The following CTNND2 variants were observed in gnomAD, a reference collection of about 807,000 sequenced individuals.
CTNND2 encodes the protein catenin delta 2.
CTNND2 carries 22 observed loss-of-function variants against 144.4 expected under a neutral mutation model. The ratio of observed to expected loss-of-function variants is 0.15; its 90% confidence interval spans 0.11 to 0.22. The LOEUF is 0.22. Among genes scored for constraint, CTNND2 ranks in the 10% least tolerant of loss-of-function variants. The pLI is 1.00. For synonymous variants in CTNND2, 751 were observed against 695.6 expected, an observed-to-expected ratio of 1.08 and a Z score of -1.25; for missense variants, 1,353 against 1,618.8, an observed-to-expected ratio of 0.84 and a Z score of 2.82.
chr5:11,397,694 A>G (rs1270028252), intron 5 of CTNND2, among the ~76,000 whole-genome samples: 2 of 152,196 alleles, frequency 1.3e-5, no homozygotes. Context: ...CCTGAAGGGT[A>G]GACAGTGTTT....
At chr5:11,092,307 T>C (rs1580261939) in intron 15 of CTNND2, among the ~76,000 whole-genome samples, 1 of 152,340 alleles carries the variant, frequency 6.6e-6, no homozygotes, top group Admixed American at 6.5e-5. Context: ...ATCCCTCTGG[T>C]TCAGCTGTTT....
At chr5:11,266,783 C>T (rs1332862974) in intron 9 of CTNND2, among the ~76,000 whole-genome samples, 1 of 152,234 alleles carries the variant, frequency 6.6e-6, no homozygotes, top group Non-Finnish European at 1.5e-5. Context: ...AATAAAGAAG[C>T]TGCCATTATG....
intron 2 of CTNND2, among the ~76,000 whole-genome samples, chr5:11,641,686 ACG>A (rs1230767808): frequency 7.9e-6 from 1 of 127,010 alleles, no homozygotes; most frequent in East Asian, 2.6e-4. Flanking sequence ...ATATACATAT[ACG>A]TGTGTGTATA....
intron 16 of CTNND2, among the ~76,000 whole-genome samples, chr5:11,072,083 G>A (rs994083920): frequency 9.9e-5 from 15 of 152,182 alleles, no homozygotes; most frequent in African/African-American, 3.6e-4. Flanking sequence ...GGAGGTAATA[G>A]TCAATTAAAA....
At chr5:11,129,080 AAT>A (rs368649124) in intron 12 of CTNND2, among the ~76,000 whole-genome samples, 2,722 of 23,490 alleles carry the variant, frequency 0.12, 396 homozygotes, top group Non-Finnish European at 0.19. Flanking sequence ...ATATAAATAA[AAT>A]ATATATATTA....
intron 9 of CTNND2, among the ~76,000 whole-genome samples, chr5:11,324,079 G>A (rs1435993978): frequency 6.6e-6 from 1 of 152,184 alleles, no homozygotes; most frequent in African/African-American, 2.4e-5. Context: ...GTGGAACAGT[G>A]TGAGGTTGAT....
rs913276691 is a variant in CTNND2, at chr5:11,384,247, T to G, written c.1177+418A>C. On this transcript the variant is annotated intron_variant, in intron 7 of 21. Transcript: ENST00000304623. This position sits in a 1 kb window ranked among gnomAD's most constrained non-coding sequence, Gnocchi z 5.2. ...CGTCTAATTTGAGAAAATCCCTTAC[T>G]TTTTCCACAATGAAATGTAGACAAC... is the stretch of plus-strand genomic sequence containing the variant. Among the ~76,000 whole-genome samples the G allele has an allele frequency of 2.6e-5, 4 of 152,224 alleles. No individual in the cohort carries two copies. The highest frequency in any genetic ancestry group is 9.6e-5 in the African/African-American group (4 of 41,460).
chr5:11,886,384 A>G (rs549974303), intron 1 of CTNND2, among the ~76,000 whole-genome samples: 1 of 152,312 alleles, frequency 6.6e-6, no homozygotes, highest in South Asian at 2.1e-4. Flanking sequence ...CCACAGAAAT[A>G]CAAAGGGTCA....
chr5:11,824,963 T>C (rs1222379730), intron 1 of CTNND2, among the ~76,000 whole-genome samples: 1 of 152,148 alleles, frequency 6.6e-6, no homozygotes, highest in Non-Finnish European at 1.5e-5. Flanking sequence ...CTGAGGATAA[T>C]ACTAGCTACC....
chr5:11,411,590 T>G lies in CTNND2; in HGVS notation c.385A>C (p.Arg129=), dbSNP rs1761535347. 1.9e-6 allele frequency: 3 copies of G among 1,612,306 alleles called. No individual in the cohort carries two copies. The highest frequency in any genetic ancestry group is 8.5e-7 in the Non-Finnish European group (1 of 1,178,542). Residue 129 remains arginine (R), a synonymous_variant, in exon 5 of 22, where the codon AGG becomes CGG. Coordinates refer to ENST00000304623, the MANE Select transcript of CTNND2 (RefSeq NM_001332.4). ...AGTATTCCTGATTCCTGTAGTGACC[T>G]AATACAGGAGTCCACCAGCTCGAGA... ...TGLELVDSCI[R]SLQESGILDP...
chr5:11,609,997 A>G (rs1780236861), intron 2 of CTNND2, among the ~76,000 whole-genome samples: 1 of 152,242 alleles, frequency 6.6e-6, no homozygotes, highest in Non-Finnish European at 1.5e-5. Context: ...TTTATTTGAC[A>G]GCAATTCGGT....
intron 1 of CTNND2, among the ~76,000 whole-genome samples, chr5:11,755,688 A>T (rs1158833101): frequency 7.7e-6 from 1 of 129,646 alleles, no homozygotes; most frequent in Non-Finnish European, 1.6e-5. Context: ...CTGGTCTTTG[A>T]GCTCTGAGAT....
chr5:11,421,162 C>T (rs1762332452), intron 3 of CTNND2, among the ~76,000 whole-genome samples: 1 of 152,126 alleles, frequency 6.6e-6, no homozygotes, highest in South Asian at 2.1e-4. Context: ...CCACTAGCAC[C>T]ATGACAGTTG....
At chr5:11,588,938 G>C (rs947796172) in intron 2 of CTNND2, 2 of 985,310 alleles carry the variant, frequency 2.0e-6, no homozygotes, top group East Asian at 2.3e-4. Context: ...CTCAAAAACC[G>C]AGAAGGGAGT....
chr5:10,980,959 G>T (rs1737167038), intron 21 of CTNND2, among the ~76,000 whole-genome samples: 2 of 152,068 alleles, frequency 1.3e-5, no homozygotes, highest in South Asian at 4.2e-4. Flanking sequence ...GGGTTGATGG[G>T]TGCAGAAAAC....
chr5:11,634,255 G>A (rs1028378836), intron 2 of CTNND2, among the ~76,000 whole-genome samples: 3 of 152,082 alleles, frequency 2.0e-5, no homozygotes, highest in African/African-American at 7.2e-5. Context: ...AGCACCCAGG[G>A]AACCTGAGCA....
intron 3 of CTNND2, among the ~76,000 whole-genome samples, chr5:11,555,467 G>A (rs1444041966): frequency 6.6e-6 from 1 of 152,226 alleles, no homozygotes; most frequent in East Asian, 1.9e-4. Context: ...AGAGGAATAA[G>A]AGCTTCCCTG....
intron 9 of CTNND2, among the ~76,000 whole-genome samples, chr5:11,331,696 C>T (rs1311795474): frequency 3.9e-5 from 6 of 152,122 alleles, no homozygotes; most frequent in South Asian, 4.2e-4. Flanking sequence ...AACCCCAAGG[C>T]GAGATTTCCC....
chr5:11,660,662 T>G (rs974843611), intron 2 of CTNND2, among the ~76,000 whole-genome samples: 3 of 152,130 alleles, frequency 2.0e-5, no homozygotes, highest in Admixed American at 2.0e-4. Flanking sequence ...GAGAAGATGG[T>G]GACATTGAAC....
Sources: allele counts gnomAD v4.1 joint callset (sites outside exome capture counted in the v4.1 genomes callset), GRCh38; gene constraint gnomAD v4.1.1; non-coding constraint Gnocchi (gnomAD v3.1); transcripts MANE v1.5; gene names NCBI Gene and HGNC (gene_info 2026-07-23, HGNC 2026-07-21).